Variants in GPATCH2 observed in about 807,000 individuals in gnomAD.
The protein encoded by GPATCH2 is G patch domain-containing protein 2.
Under a neutral mutation model 58.0 loss-of-function variants are expected in GPATCH2, and 51 were observed. The observed-to-expected ratio is 0.88, with a 90% CI of 0.70 to 1.11. GPATCH2 has a LOEUF of 1.11. Among genes scored for constraint, GPATCH2 ranks in the 50% most tolerant of loss-of-function variants. The pLI, the probability that GPATCH2 is intolerant of heterozygous loss-of-function variation, is 0.00. For synonymous variants in GPATCH2, 222 were observed against 218.5 expected (o/e 1.02, Z -0.14); for missense variants, 625 against 652.2 (o/e 0.96, Z 0.45).
chr1:217,607,221 T>C (rs1668402213), intron 5 of GPATCH2, among the ~76,000 whole-genome samples: 1 of 152,198 alleles, frequency 6.6e-6, no homozygotes. Flanking sequence ...TTCAGTAACA[T>C]GTACAGAGCA....
intron 5 of GPATCH2, among the ~76,000 whole-genome samples, chr1:217,584,344 A>AAAAAAAAATATATAT (rs1463910405): frequency 9.8e-6 from 1 of 101,856 alleles, no homozygotes; most frequent in African/African-American, 3.4e-5. Flanking sequence ...AAAAAAAAAA[A>AAAAAAAAATATATAT]ATATATATAT....
chr1:217,456,853 A>T (rs1248872036), intron 8 of GPATCH2, among the ~76,000 whole-genome samples: 1 of 152,196 alleles, frequency 6.6e-6, no homozygotes, highest in Non-Finnish European at 1.5e-5. Flanking sequence ...AAAACACAGA[A>T]TAGGTGTGTG....
chr1:217,518,504 A>T (rs1404014718), intron 5 of GPATCH2, among the ~76,000 whole-genome samples: 1 of 152,188 alleles, frequency 6.6e-6, no homozygotes, highest in African/African-American at 2.4e-5. Flanking sequence ...TCTCATTTTC[A>T]TTTAATTGTG....
At chr1:217,438,179 A>C (rs945421320) in intron 9 of GPATCH2, among the ~76,000 whole-genome samples, 30 of 152,310 alleles carry the variant, frequency 2.0e-4, no homozygotes, top group African/African-American at 7.0e-4. Flanking sequence ...AGAAAGGAAT[A>C]GCATCAACAT....
intron 8 of GPATCH2, among the ~76,000 whole-genome samples, chr1:217,455,664 T>C (rs1659907874): frequency 1.3e-5 from 2 of 152,074 alleles, no homozygotes; most frequent in South Asian, 2.1e-4. Flanking sequence ...GCCACTGATA[T>C]GGACAGGAGA....
At chr1:217,468,156 G>A (rs1393949769) in intron 8 of GPATCH2, among the ~76,000 whole-genome samples, 1 of 152,176 alleles carries the variant, frequency 6.6e-6, no homozygotes, top group African/African-American at 2.4e-5. Context: ...GGAGGAGGAA[G>A]TTTTCAACAG....
chr1:217,549,937 C>G (rs1176916780), intron 5 of GPATCH2, among the ~76,000 whole-genome samples: 1 of 152,172 alleles, frequency 6.6e-6, no homozygotes, highest in Non-Finnish European at 1.5e-5. Flanking sequence ...AAATTATATA[C>G]AAACAAAATC....
chr1:217,597,831 T>C (rs1667916785), intron 5 of GPATCH2, among the ~76,000 whole-genome samples: 1 of 152,174 alleles, frequency 6.6e-6, no homozygotes, highest in African/African-American at 2.4e-5. Context: ...TCTCTGCAAC[T>C]TGTCACAGGG....
chr1:217,608,215 TGA>T, intron 5 of GPATCH2: 1 of 902,920 alleles, frequency 1.1e-6, no homozygotes, highest in Non-Finnish European at 1.3e-6. Context: ...GAGATTTTAT[TGA>T]AAAAAAAAAA....
chr1:217,612,525 AT>A (rs1468302170), intron 3 of GPATCH2, among the ~76,000 whole-genome samples: 1 of 152,118 alleles, frequency 6.6e-6, no homozygotes, highest in Non-Finnish European at 1.5e-5. Flanking sequence ...CTACTGGGGA[AT>A]TAATTAAAAA....
intron 5 of GPATCH2, among the ~76,000 whole-genome samples, chr1:217,531,454 C>A (rs1409226782): frequency 6.6e-6 from 1 of 152,160 alleles, no homozygotes; most frequent in Non-Finnish European, 1.5e-5. Context: ...ATACTGTAGT[C>A]TTTCAAAAAT....
intron 8 of GPATCH2, among the ~76,000 whole-genome samples, chr1:217,454,360 T>C (rs370284888): frequency 5.9e-5 from 9 of 152,000 alleles, no homozygotes; most frequent in Admixed American, 3.3e-4. Context: ...GAGGCTGAGG[T>C]GGGCGGATCA....
intron 9 of GPATCH2, among the ~76,000 whole-genome samples, chr1:217,445,562 T>G (rs1206020153): frequency 4.6e-5 from 7 of 152,154 alleles, no homozygotes; most frequent in Admixed American, 4.6e-4. Flanking sequence ...AATTTTATAA[T>G]AGTAAATCTA....
Position 217,575,844 on chromosome 1 carries a change from AT to A in GPATCH2, c.1098+34476del, listed in dbSNP as rs757005555. On this transcript the variant is annotated intron_variant, in intron 5 of 9. Transcript: ENST00000366935. ...GTAAGTGTTAAAAGCTAATAGCTTC[AT>A]TTTTTAGCCCATTGTTCCTACTTAC... Among the ~76,000 whole-genome samples the A allele has an allele frequency of 4.1e-3, 628 of 152,216 alleles. 3 individuals are homozygous for A. Among genetic ancestry groups the A allele is most frequent in the Non-Finnish European group, 6.6e-3 (446 of 67,950 alleles).
At chr1:217,627,653 T>C (rs1558539053) in intron 1 of GPATCH2, among the ~76,000 whole-genome samples, 1 of 152,070 alleles carries the variant, frequency 6.6e-6, no homozygotes, top group Non-Finnish European at 1.5e-5. Flanking sequence ...CCATAGGAAC[T>C]TTCAGGAAGT....
intron 8 of GPATCH2, among the ~76,000 whole-genome samples, chr1:217,489,382 A>G (rs1661609314): frequency 1.3e-5 from 2 of 149,816 alleles, no homozygotes; most frequent in Admixed American, 6.6e-5. Flanking sequence ...TAGTCTTATC[A>G]AGTATCAAAT....
At chr1:217,435,510 T>C (rs1658782045) in intron 9 of GPATCH2, among the ~76,000 whole-genome samples, 1 of 152,214 alleles carries the variant, frequency 6.6e-6, no homozygotes, top group Admixed American at 6.5e-5. Flanking sequence ...AAACAGCCAA[T>C]GGAAGGGGAG....
intron 5 of GPATCH2, among the ~76,000 whole-genome samples, chr1:217,568,603 A>C (rs1324076450): frequency 2.6e-5 from 4 of 152,254 alleles, no homozygotes; most frequent in Non-Finnish European, 5.9e-5. Flanking sequence ...ACAACATTAC[A>C]GGCTGAGGGA....
chr1:217,532,907 T>G (rs1381637632), intron 5 of GPATCH2, among the ~76,000 whole-genome samples: 3 of 143,776 alleles, frequency 2.1e-5, no homozygotes, highest in Non-Finnish European at 4.6e-5. Flanking sequence ...TTTGTTTTTT[T>G]TTTTTTTTTG....
Sources: allele counts gnomAD v4.1 joint callset (sites outside exome capture counted in the v4.1 genomes callset), GRCh38; gene constraint gnomAD v4.1.1; transcripts MANE v1.5; gene names NCBI Gene and HGNC (gene_info 2026-07-23, HGNC 2026-07-21).